The following TRHDE variants were observed in gnomAD, a reference collection of about 807,000 sequenced individuals.
TRHDE encodes thyrotropin releasing hormone degrading enzyme, also known as thyrotropin-releasing hormone-degrading ectoenzyme.
A neutral mutation model predicts 125.7 loss-of-function variants in TRHDE; 72 were observed. That is an observed-to-expected ratio of 0.57 (90% CI 0.47 to 0.70). The LOEUF is 0.70. TRHDE is among the 30% of genes least tolerant of loss of function. The pLI, the probability that TRHDE is intolerant of heterozygous loss-of-function variation, is 0.00. For missense variants in TRHDE, 1,110 were observed against 1,327.1 expected, an observed-to-expected ratio of 0.84 and a Z score of 2.54; for synonymous variants, 509 against 509.1, an observed-to-expected ratio of 1.00 and a Z score of 0.00.
intron 2 of TRHDE, among the ~76,000 whole-genome samples, chr12:72,117,865 T>C (rs1185420851): frequency 6.6e-6 from 1 of 151,988 alleles, no homozygotes; most frequent in East Asian, 1.9e-4. Flanking sequence ...GTTTTTTTTT[T>C]TCAGATTGTT....
upstream of TRHDE, among the ~76,000 whole-genome samples, chr12:72,269,784 T>C (rs1033529893): frequency 1.3e-5 from 2 of 152,202 alleles, no homozygotes; most frequent in Non-Finnish European, 2.9e-5. Flanking sequence ...ACATATTATG[T>C]GCATGTAACA....
intron 12 of TRHDE, among the ~76,000 whole-genome samples, chr12:72,581,975 G>A (rs991425298): frequency 8.6e-5 from 13 of 151,678 alleles, no homozygotes; most frequent in Non-Finnish European, 1.6e-4. Context: ...GGTGGCAGGC[G>A]CCTGTAGTTC....
intron 2 of TRHDE, among the ~76,000 whole-genome samples, chr12:72,312,370 T>C (rs996671835): frequency 3.9e-5 from 6 of 152,232 alleles, no homozygotes; most frequent in African/African-American, 1.2e-4. Context: ...TTTTATTTTC[T>C]ATATATAGGA....
intron 2 of TRHDE, among the ~76,000 whole-genome samples, chr12:72,153,488 A>T (rs1428993674): frequency 6.6e-6 from 1 of 152,128 alleles, no homozygotes; most frequent in East Asian, 1.9e-4. Flanking sequence ...TTGTGATGTT[A>T]GGTTGTCAAT....
At chr12:72,114,770 T>G (rs767605675) in intron 2 of TRHDE, among the ~76,000 whole-genome samples, 4 of 151,760 alleles carry the variant, frequency 2.6e-5, no homozygotes, top group Admixed American at 6.6e-5. Context: ...GTGCAGAGAG[T>G]AAAGAATGTG....
chr12:72,499,696 C>A, intron 6 of TRHDE, 61 bp downstream of exon 6: 2 of 1,576,486 alleles, frequency 1.3e-6, no homozygotes, highest in African/African-American at 1.4e-5. Context: ...TAAACTAATT[C>A]ATGTTAGATG....
At chr12:72,591,835 G>A (rs905488518) in intron 12 of TRHDE, among the ~76,000 whole-genome samples, 1 of 151,346 alleles carries the variant, frequency 6.6e-6, no homozygotes, top group Non-Finnish European at 1.5e-5. Flanking sequence ...GGCCTCGATA[G>A]TTTCTGATGA....
At chr12:72,440,828 C>T (rs1329133182) in intron 3 of TRHDE, among the ~76,000 whole-genome samples, 1 of 151,874 alleles carries the variant, frequency 6.6e-6, no homozygotes. Flanking sequence ...TGTTTGGTAA[C>T]TATTAATGAT....
At chr12:72,480,808 C>A (rs1051971467) in intron 5 of TRHDE, among the ~76,000 whole-genome samples, 3 of 152,046 alleles carry the variant, frequency 2.0e-5, no homozygotes, top group Non-Finnish European at 4.4e-5. Flanking sequence ...CTGTCAGACA[C>A]CACTTGATAA....
rs79540994 is a variant in TRHDE at position 72,476,528 on chromosome 12, G to A, written c.1584+3348G>A. On this transcript the variant is annotated intron_variant, in intron 5 of 18. Coordinates refer to ENST00000261180, the MANE Select transcript of TRHDE (RefSeq NM_013381.3). Reference sequence around the variant, plus strand: ...GCAGTAACTCATACTATTGTGATATGCGTAAAAGCTTGTCTGTAAGTGCAT... The same window carrying A: ...GCAGTAACTCATACTATTGTGATATACGTAAAAGCTTGTCTGTAAGTGCAT... 9.8e-3 allele frequency among the ~76,000 whole-genome samples: 1,500 copies of A among 152,288 alleles called. 21 individuals carry two copies. The highest frequency in any genetic ancestry group is 0.033 in the African/African-American group (1,375 of 41,566).
At chr12:72,382,577 G>C (rs1296723588) in intron 3 of TRHDE, among the ~76,000 whole-genome samples, 1 of 152,108 alleles carries the variant, frequency 6.6e-6, no homozygotes, top group African/African-American at 2.4e-5. Context: ...TCTTTCATTG[G>C]TTTGCATTAG....
At chr12:72,157,969 ATC>A (rs1876555064) in intron 2 of TRHDE, among the ~76,000 whole-genome samples, 1 of 152,196 alleles carries the variant, frequency 6.6e-6, no homozygotes, top group Non-Finnish European at 1.5e-5. Context: ...AAGGTGTGGC[ATC>A]TCAAAAACTA....
At chr12:72,500,373 G>A (rs1878096152) in intron 6 of TRHDE, among the ~76,000 whole-genome samples, 1 of 151,908 alleles carries the variant, frequency 6.6e-6, no homozygotes, top group African/African-American at 2.4e-5. Context: ...AGGTTAAATT[G>A]CATTTGTTGG....
rs117095225 is a variant in TRHDE at position 72,482,399 on chromosome 12, G to C, written c.1584+9219G>C. On this transcript the variant is annotated intron_variant, in intron 5 of 18. Coordinates refer to ENST00000261180, the MANE Select transcript of TRHDE (RefSeq NM_013381.3). ...TGAAAAATAAAATTGGGCATGGTAA[G>C]TTTCAGAGGATTAGCAAAATCATAG... Among the ~76,000 whole-genome samples the C allele has an allele frequency of 7.1e-3, 1,073 of 151,932 alleles. 13 individuals are homozygous for C. The highest frequency in any genetic ancestry group is 0.021 in the Admixed American group (315 of 15,248).
At chr12:72,173,563 C>T (rs1566265706) in intron 2 of TRHDE, among the ~76,000 whole-genome samples, 1 of 152,146 alleles carries the variant, frequency 6.6e-6, no homozygotes, top group Non-Finnish European at 1.5e-5. Context: ...TGTTCCTGCA[C>T]GTGCTCTTGT....
intron 3 of TRHDE, among the ~76,000 whole-genome samples, chr12:72,417,300 T>A (rs149610778): frequency 4.2e-4 from 64 of 152,196 alleles, no homozygotes; most frequent in African/African-American, 1.5e-3. Flanking sequence ...TAAGTTTTAA[T>A]ATGTTATCTC....
At chr12:72,177,222 A>G (rs1877008356) in intron 2 of TRHDE, among the ~76,000 whole-genome samples, 1 of 152,208 alleles carries the variant, frequency 6.6e-6, no homozygotes, top group South Asian at 2.1e-4. Context: ...TTATATTTAT[A>G]GTTCTTTCAA....
intron 3 of TRHDE, among the ~76,000 whole-genome samples, chr12:72,443,645 C>T (rs1486599917): frequency 1.3e-5 from 2 of 151,666 alleles, no homozygotes; most frequent in Non-Finnish European, 2.9e-5. Context: ...CTATTTTTCT[C>T]TATATATTTT....
At chr12:72,636,483 A>T (rs1873758119) in intron 15 of TRHDE, among the ~76,000 whole-genome samples, 1 of 151,254 alleles carries the variant, frequency 6.6e-6, no homozygotes, top group Middle Eastern at 3.4e-3. Context: ...TTCCTAATTG[A>T]ATACCCTTTA....
Sources: allele counts gnomAD v4.1 joint callset (sites outside exome capture counted in the v4.1 genomes callset), GRCh38; gene constraint gnomAD v4.1.1; transcripts MANE v1.5; gene names NCBI Gene and HGNC (gene_info 2026-07-23, HGNC 2026-07-21).